EPB41: variants seen among roughly 807,000 people sequenced by gnomAD.
EPB41 encodes protein 4.1.
In EPB41, 65 loss-of-function variants were observed where a neutral mutation model predicts 108.0. That is an observed-to-expected ratio of 0.60 (90% confidence interval 0.49 to 0.74). The LOEUF is 0.74. Among genes scored for constraint, EPB41 ranks in the 30% least tolerant of loss-of-function variants. The pLI is 0.00. For missense variants in EPB41, 875 were observed against 1,037.0 expected (o/e 0.84, Z 2.15); for synonymous variants, 336 against 358.9 (o/e 0.94, Z 0.72).
At chr1:29,069,416 G>A in intron 16 of EPB41, 1 of 1,227,422 alleles carries the variant, frequency 8.1e-7, no homozygotes, top group Non-Finnish European at 1.0e-6. Flanking sequence ...TTTGCTTAAA[G>A]TAATGTATAA....
intron 1 of EPB41, among the ~76,000 whole-genome samples, chr1:28,954,860 G>T (rs2094881495): frequency 6.6e-6 from 1 of 152,154 alleles, no homozygotes; most frequent in Admixed American, 6.6e-5. Context: ...CATTAATTAT[G>T]TAGACCCCGT....
intron 6 of EPB41, 51 bp downstream of exon 6, chr1:29,015,818 A>G (rs1242339816): frequency 1.7e-6 from 2 of 1,205,544 alleles, no homozygotes; most frequent in Non-Finnish European, 2.4e-6. Context: ...AATGTGTATG[A>G]TGAGACAGTA....
At chr1:29,040,372 C>G (rs1450184150) in intron 11 of EPB41, among the ~76,000 whole-genome samples, 1 of 151,906 alleles carries the variant, frequency 6.6e-6, no homozygotes, top group Admixed American at 6.6e-5. Flanking sequence ...CTCTGCCTAC[C>G]AAGGTTCAAG....
chr1:29,001,661 G>T (rs992133525), intron 4 of EPB41, among the ~76,000 whole-genome samples: 2 of 152,124 alleles, frequency 1.3e-5, no homozygotes, highest in African/African-American at 4.8e-5. Flanking sequence ...TCAGAATTTT[G>T]AAGGCATTGC....
chr1:29,114,873 G>A (rs1670384767), intron 19 of EPB41, among the ~76,000 whole-genome samples: 1 of 151,938 alleles, frequency 6.6e-6, no homozygotes, highest in Non-Finnish European at 1.5e-5. Flanking sequence ...AATGTACTTA[G>A]GCTAGTGCAT....
rs1211648633 is a variant in EPB41 at position 28,987,510 on chromosome 1, G to C, written c.73G>C (p.Ala25Pro). Residue 25 changes from alanine to proline, a missense_variant, in exon 2 of 21, where the codon GCC becomes CCC. Coordinates refer to ENST00000343067, the MANE Select transcript of EPB41 (RefSeq NM_001376013.1). The part of the protein sequence containing the change: ...QHQQKEEGEE[A>P]INSGQQEPQQ... Reference sequence around the variant, plus strand: ...CCAACAGAAGGAAGAGGGTGAGGAAGCCATAAACTCAGGCCAACAAGAACC... The same window carrying C: ...CCAACAGAAGGAAGAGGGTGAGGAACCCATAAACTCAGGCCAACAAGAACC... 3.1e-6 allele frequency: 5 copies of C among 1,614,042 alleles called. No individual in the cohort carries two copies. Among genetic ancestry groups the C allele is most frequent in the Non-Finnish European group, 4.2e-6 (5 of 1,180,046 alleles).
chr1:29,020,777 C>A (rs1360065438), intron 7 of EPB41, among the ~76,000 whole-genome samples: 1 of 152,022 alleles, frequency 6.6e-6, no homozygotes. Flanking sequence ...CTCATCTCAG[C>A]CTTCTGAGTA....
chr1:29,111,716 C>G (rs1324051362), intron 18 of EPB41, among the ~76,000 whole-genome samples: 1 of 151,950 alleles, frequency 6.6e-6, no homozygotes, highest in Non-Finnish European at 1.5e-5. Context: ...TGGTGGCTCA[C>G]GCCTGTAATC....
At chr1:29,059,801 C>T (rs758511243) in intron 14 of EPB41, among the ~76,000 whole-genome samples, 27 of 152,074 alleles carry the variant, frequency 1.8e-4, no homozygotes, top group Non-Finnish European at 3.1e-4. Flanking sequence ...ACTGTAGCAG[C>T]AACTCCCAGT....
intron 4 of EPB41, among the ~76,000 whole-genome samples, chr1:29,005,876 A>G (rs1186832257): frequency 6.6e-6 from 1 of 152,192 alleles, no homozygotes; most frequent in African/African-American, 2.4e-5. Flanking sequence ...TCATCTCTAT[A>G]TTATTTGGAA....
chr1:29,013,374 GA>G (rs200296599), intron 5 of EPB41, among the ~76,000 whole-genome samples: 97 of 151,780 alleles, frequency 6.4e-4, no homozygotes, highest in African/African-American at 2.2e-3. Context: ...CAACATGGGG[GA>G]AAAAAACAAA....
At position 29,031,061 on chromosome 1, in the gene EPB41, G is replaced by A. The variant is rs576297880; in HGVS notation, c.1212+574G>A. ...CCTGACCTCGTGATCCGCCCGCCTCGGCCTCCCAAAGTGCTGGGATTACAG... is the reference window on the plus strand; with the variant it reads ...CCTGACCTCGTGATCCGCCCGCCTCAGCCTCCCAAAGTGCTGGGATTACAG... On this transcript the variant is annotated intron_variant, in intron 8 of 20. Transcript: ENST00000343067. Among the ~76,000 whole-genome samples, 613 of 152,156 alleles carry A rather than the reference G, an allele frequency of 4.0e-3. 5 individuals are homozygous for A. The highest frequency in any genetic ancestry group is 0.014 in the African/African-American group (565 of 41,524).
chr1:29,024,815 T>G (rs2096698821), intron 7 of EPB41, among the ~76,000 whole-genome samples: 1 of 151,968 alleles, frequency 6.6e-6, no homozygotes, highest in Non-Finnish European at 1.5e-5. Flanking sequence ...TGATATTCTG[T>G]TAGAGATGTG....
intron 7 of EPB41, among the ~76,000 whole-genome samples, chr1:29,021,831 C>T (rs1473171028): frequency 6.6e-6 from 1 of 152,220 alleles, no homozygotes; most frequent in Non-Finnish European, 1.5e-5. Context: ...ATCCGCCCGC[C>T]TGGGCCTCCC....
chr1:28,992,173 G>T (rs2096038012), intron 2 of EPB41, among the ~76,000 whole-genome samples: 1 of 152,166 alleles, frequency 6.6e-6, no homozygotes. Context: ...CAGTGAGAGG[G>T]TCATGAAAGA....
rs1668408858 is a variant in EPB41 at position 29,109,444 on chromosome 1, G to C, written c.2415+7G>C. The C allele has an allele frequency of 6.2e-7, 1 of 1,612,674 alleles. No homozygotes were observed. Among genetic ancestry groups the C allele is most frequent in the South Asian group, 1.1e-5 (1 of 91,068 alleles). On this transcript the variant is annotated splice_region_variant and intron_variant, in intron 18 of 20. Coordinates refer to ENST00000343067, the MANE Select transcript of EPB41 (RefSeq NM_001376013.1). The stretch of plus-strand genomic sequence containing the variant: ...CACAACTCAAATTACCAAGGTAACA[G>C]ACCAGCTAGAACCTCTTTATGGAAC...
At chr1:28,888,714 G>A (rs2089751469) in intron 1 of EPB41, among the ~76,000 whole-genome samples, 1 of 152,160 alleles carries the variant, frequency 6.6e-6, no homozygotes, top group Non-Finnish European at 1.5e-5. Context: ...TGCAAGCTCC[G>A]CCTCCCGGAT....
At chr1:28,902,660 A>G (rs1235438111) in intron 1 of EPB41, among the ~76,000 whole-genome samples, 2 of 152,108 alleles carry the variant, frequency 1.3e-5, no homozygotes, top group African/African-American at 4.8e-5. Flanking sequence ...GGCCTGGTAC[A>G]GGGGGGTTCG....
At chr1:29,015,654 G>A (rs1264898914) in intron 5 of EPB41, 38 bp from the exon 6 acceptor site, 2 of 1,208,088 alleles carry the variant, frequency 1.7e-6, no homozygotes, top group East Asian at 2.3e-5. Context: ...TAGAAACTTA[G>A]GTATAAACGT....
Sources: gnomAD v4.1 joint callset for allele counts (sites outside exome capture counted in the v4.1 genomes callset) on GRCh38, gnomAD v4.1.1 for gene constraint, MANE v1.5 for transcripts, NCBI Gene and HGNC (gene_info 2026-07-23, HGNC 2026-07-21) for gene names.